The following LRP1B variants were observed in gnomAD, a reference collection of about 807,000 sequenced individuals.
LRP1B encodes the protein low-density lipoprotein receptor-related protein 1B.
In LRP1B, 217 loss-of-function variants were observed where a neutral mutation model predicts 556.6. That is an observed-to-expected ratio of 0.39 (90% CI 0.35 to 0.44). The LOEUF is 0.44. Ranked by LOEUF, LRP1B falls within the 20% of genes least tolerant of loss-of-function variation. LRP1B has a pLI of 1.00. For missense variants in LRP1B, 5,053 were observed against 5,620.8 expected (o/e 0.90, Z 3.23); for synonymous variants, 2,047 against 1,865.8 (o/e 1.10, Z -2.50).
intron 20 of LRP1B, among the ~76,000 whole-genome samples, chr2:140,929,756 T>TCTCACACACA (rs377746437): frequency 2.1e-4 from 29 of 139,322 alleles, no homozygotes; most frequent in Non-Finnish European, 3.3e-4. Context: ...TCATATAGAC[T>TCTCACACACA]CACACACACA....
chr2:142,056,218 A>G (rs1412857668), intron 1 of LRP1B, among the ~76,000 whole-genome samples: 2 of 152,170 alleles, frequency 1.3e-5, no homozygotes, highest in East Asian at 1.9e-4. Flanking sequence ...ATCTCCAACA[A>G]GAAAACATCA....
intron 1 of LRP1B, among the ~76,000 whole-genome samples, chr2:141,959,027 T>C (rs898912428): frequency 1.3e-5 from 2 of 152,018 alleles, no homozygotes; most frequent in African/African-American, 2.4e-5. Context: ...ATAAGTAAAT[T>C]AATCAGCCTT....
At chr2:141,732,938 G>A (rs1310785547) in intron 2 of LRP1B, among the ~76,000 whole-genome samples, 2 of 151,996 alleles carry the variant, frequency 1.3e-5, no homozygotes, top group Admixed American at 6.6e-5. Flanking sequence ...AGGAATCTTG[G>A]CATCACTGAT....
At chr2:140,650,675 C>T (rs1239239356) in intron 41 of LRP1B, among the ~76,000 whole-genome samples, 1 of 152,000 alleles carries the variant, frequency 6.6e-6, no homozygotes, top group African/African-American at 2.4e-5. Context: ...TAAAGATTGG[C>T]CTGCTGAGGA....
chr2:141,216,214 G>A (rs190534881), intron 6 of LRP1B, among the ~76,000 whole-genome samples: 136 of 152,212 alleles, frequency 8.9e-4, no homozygotes, highest in Non-Finnish European at 5.4e-4. Flanking sequence ...GATATACCTC[G>A]AACCGCCACT....
At chr2:141,475,037 A>T (rs6429887) in intron 3 of LRP1B, among the ~76,000 whole-genome samples, 77,921 of 152,072 alleles carry the variant, frequency 0.51, 20,201 homozygotes, top group Non-Finnish European at 0.55. Context: ...ATAAGGGCAG[A>T]TGCTGCCACA....
chr2:140,323,412 T>TTAGTG (rs1373074388), intron 81 of LRP1B, among the ~76,000 whole-genome samples: 2 of 151,914 alleles, frequency 1.3e-5, no homozygotes, highest in African/African-American at 4.8e-5. Flanking sequence ...TACTTGTTGA[T>TTAGTG]TAGTGGTAAG....
intron 11 of LRP1B, among the ~76,000 whole-genome samples, chr2:141,048,315 C>A (rs1386782976): frequency 6.6e-6 from 1 of 152,036 alleles, no homozygotes; most frequent in Non-Finnish European, 1.5e-5. Context: ...ATCTTTTCTA[C>A]TGATACCAAA....
chr2:141,912,833 C>T (rs549385965), intron 1 of LRP1B, among the ~76,000 whole-genome samples: 1 of 152,276 alleles, frequency 6.6e-6, no homozygotes, highest in East Asian at 1.9e-4. Context: ...GCCCCTTCTC[C>T]ACCAAATTAA....
chr2:140,325,389 C>A (rs370384588), intron 80 of LRP1B, among the ~76,000 whole-genome samples: 1 of 152,106 alleles, frequency 6.6e-6, no homozygotes, highest in African/African-American at 2.4e-5. Flanking sequence ...TATTTTGCTA[C>A]ATACAGTAAC....
At chr2:141,562,286 A>C (rs1384408594) in intron 2 of LRP1B, among the ~76,000 whole-genome samples, 1 of 151,944 alleles carries the variant, frequency 6.6e-6, no homozygotes, top group Non-Finnish European at 1.5e-5. Context: ...AGGAAACCTA[A>C]GATAACATTT....
At chr2:140,891,749 G>A (rs960734966) in intron 23 of LRP1B, among the ~76,000 whole-genome samples, 2 of 152,138 alleles carry the variant, frequency 1.3e-5, no homozygotes, top group African/African-American at 4.8e-5. Flanking sequence ...TCAATAGAAT[G>A]AAGGCCAGGG....
chr2:141,028,730 A>G (rs1198252097), intron 11 of LRP1B, among the ~76,000 whole-genome samples: 1 of 152,146 alleles, frequency 6.6e-6, no homozygotes, highest in Non-Finnish European at 1.5e-5. Context: ...TTTTTAAAGT[A>G]ATGACAACTA....
intron 2 of LRP1B, among the ~76,000 whole-genome samples, chr2:141,743,465 T>C (rs941551595): frequency 6.6e-6 from 1 of 151,132 alleles, no homozygotes; most frequent in Non-Finnish European, 1.5e-5. Context: ...TGGAAGTAAG[T>C]ATTCTCTCCT....
chr2:141,805,485 A>G (rs1319958218), intron 2 of LRP1B: 1 of 152,158 alleles, frequency 6.6e-6, no homozygotes, highest in Non-Finnish European at 1.5e-5. Flanking sequence ...ACCATATTGC[A>G]TCAGTCTGGC....
chr2:141,159,284 G>A (rs1702142074), intron 7 of LRP1B, among the ~76,000 whole-genome samples: 2 of 152,102 alleles, frequency 1.3e-5, no homozygotes, highest in South Asian at 4.1e-4. Flanking sequence ...TGATTAGCCT[G>A]GAGGAGGAAA....
At chr2:140,273,907 T>C (rs1251511410) in intron 85 of LRP1B, among the ~76,000 whole-genome samples, 2 of 152,022 alleles carry the variant, frequency 1.3e-5, no homozygotes, top group African/African-American at 4.8e-5. Flanking sequence ...TTTACTTATT[T>C]CCCAGAACAC....
chr2:141,373,027 T>C (rs1689289944), intron 3 of LRP1B, among the ~76,000 whole-genome samples: 1 of 152,102 alleles, frequency 6.6e-6, no homozygotes, highest in Non-Finnish European at 1.5e-5. Context: ...CACTAGGTTT[T>C]AGTATGTTGT....
rs560410128 is a variant in LRP1B, at chr2:141,441,735, T to A, written c.343+38661A>T. Among the ~76,000 whole-genome samples the A allele has an allele frequency of 3.9e-5, 6 of 152,100 alleles. No individual in the cohort carries two copies. In the South Asian group the frequency reaches 1.2e-3, roughly 32 times the overall value. On this transcript the variant is annotated intron_variant, in intron 3 of 90. Coordinates refer to ENST00000389484, the MANE Select transcript of LRP1B (RefSeq NM_018557.3). ...AGAGAATCAGTTAACAAGGAGAGAGTCACTGTTAGCAGTGTAGTCTCATTA... is the reference window on the plus strand; with the variant it reads ...AGAGAATCAGTTAACAAGGAGAGAGACACTGTTAGCAGTGTAGTCTCATTA...
Sources: gnomAD v4.1 joint callset for allele counts (sites outside exome capture counted in the v4.1 genomes callset) on GRCh38, gnomAD v4.1.1 for gene constraint, MANE v1.5 for transcripts, NCBI Gene and HGNC (gene_info 2026-07-23, HGNC 2026-07-21) for gene names.